The following PCLO variants were observed in gnomAD, a reference collection of about 807,000 sequenced individuals.
PCLO encodes the protein piccolo presynaptic cytomatrix protein, also known as protein piccolo.
A neutral mutation model predicts 427.5 loss-of-function variants in PCLO; 82 were observed. The ratio of observed to expected loss-of-function variants is 0.19; its 90% CI spans 0.16 to 0.23. PCLO has a LOEUF of 0.23. Ranked by LOEUF, PCLO falls within the 10% of genes least tolerant of loss-of-function variation. The pLI is 1.00. For missense variants in PCLO, 6,239 were observed against 6,115.9 expected (o/e 1.02, Z -0.67); for synonymous variants, 2,357 against 2,155.4 (o/e 1.09, Z -2.59).
chr7:83,155,226 T>A lies in PCLO; in HGVS notation c.1415A>T (p.Gln472Leu). Residue 472 changes from glutamine to leucine, a missense_variant, in exon 2 of 25, where the codon CAA (glutamine) becomes CTA (leucine). Coordinates refer to ENST00000333891, the MANE Select transcript of PCLO (RefSeq NM_033026.6). ...QQTGPTKPPS[Q>L]LPGPAKPPPQ... ...TGGGGGCTTTGCTGGGCCAGGCAGT[T>A]GTGAAGGAGGCTTTGTTGGGCCAGT... 1 of 1,613,078 alleles carries A rather than the reference T, an allele frequency of 6.2e-7. No individual in the cohort carries two copies. The highest frequency in any genetic ancestry group is 1.1e-5 in the South Asian group (1 of 91,002).
Position 82,758,029 on chromosome 7 carries a change from C to A in PCLO, c.*546G>T, listed in dbSNP as rs1000693273. On this transcript the variant is annotated 3_prime_UTR_variant, in exon 25 of 25. Transcript: ENST00000333891. ...ATTTCTACATCTCCTCTTCCATTTT[C>A]CCTAAGAACACAGCCACCTCACTTC... 1.3e-5 allele frequency: 2 copies of A among 151,962 alleles called. No individual in the cohort carries two copies. The highest frequency in any genetic ancestry group is 4.8e-5 in the African/African-American group (2 of 41,386). The allele number at this position is 151,962 out of a possible 1,614,324, so 9.4% of individuals were successfully genotyped here.
At position 82,952,724 on chromosome 7, in the gene PCLO, T is replaced by C. The variant is rs1224843602; in HGVS notation, c.8229A>G (p.Lys2743=). The C allele has an allele frequency of 1.9e-6, 3 of 1,613,734 alleles. No individual in the cohort carries two copies. The highest frequency in any genetic ancestry group is 1.1e-5 in the South Asian group (1 of 91,070). The change falls in exon 5 of 25, where the codon AAA becomes AAG. Residue 2743 remains lysine (K), a synonymous_variant. Transcript: ENST00000333891. The part of the protein sequence containing the change: ...VPKVEVKTTD[K]CIDLSASTMD... ...TTGTAGAAGCAGAAAGATCAATACATTTATCAGTTGTTTTAACTTCTACCT... is the reference window on the plus strand; with the variant it reads ...TTGTAGAAGCAGAAAGATCAATACACTTATCAGTTGTTTTAACTTCTACCT...
intron 22 of PCLO, among the ~76,000 whole-genome samples, chr7:82,778,759 T>G (rs1320178525): frequency 1.3e-5 from 2 of 152,072 alleles, no homozygotes; most frequent in African/African-American, 2.4e-5. Context: ...CCTTTCAATT[T>G]TTTTTATAAA....
chr7:82,915,536 A>G lies in PCLO; in HGVS notation c.12450T>C (p.His4150=). The stretch of plus-strand genomic sequence containing the variant: ...GAAAATGTCTGTAGCTAGTATCAGC[A>G]TGGTAATAATGAGAAAGACCAGCAA... ...DHLAGLSHYY[H]ADTSYRHFPK... Residue 4150 remains histidine, a synonymous_variant, in exon 7 of 25, where the codon CAT becomes CAC. Coordinates refer to ENST00000333891, the MANE Select transcript of PCLO (RefSeq NM_033026.6). 6.2e-7 allele frequency: 1 copy of G among 1,613,744 alleles called. No homozygotes were observed. The highest frequency in any genetic ancestry group is 8.5e-7 in the Non-Finnish European group (1 of 1,179,732).
chr7:82,868,322 CA>C, intron 10 of PCLO: 1 of 384,886 alleles, frequency 2.6e-6, no homozygotes, highest in East Asian at 7.4e-5. Context: ...GCTCTTCTAC[CA>C]AAGACTTTTT....
chr7:82,879,045 A>C (rs1373316948), intron 10 of PCLO, among the ~76,000 whole-genome samples: 2 of 152,222 alleles, frequency 1.3e-5, no homozygotes, highest in East Asian at 3.8e-4. Context: ...TATCACAGAT[A>C]ACTAAAGTGT....
chr7:83,057,698 T>C (rs947560895), intron 3 of PCLO, among the ~76,000 whole-genome samples: 3 of 151,882 alleles, frequency 2.0e-5, no homozygotes, highest in South Asian at 4.2e-4. Context: ...TATGATCTTA[T>C]ACCTACATCA....
At chr7:83,112,533 C>A (rs1791032397) in intron 3 of PCLO, among the ~76,000 whole-genome samples, 1 of 152,130 alleles carries the variant, frequency 6.6e-6, no homozygotes, top group South Asian at 2.1e-4. Context: ...CAGACCACAG[C>A]TGACAAATGA....
chr7:82,904,459 G>T (rs951770318), intron 8 of PCLO, among the ~76,000 whole-genome samples: 1 of 151,306 alleles, frequency 6.6e-6, no homozygotes, highest in East Asian at 2.0e-4. Flanking sequence ...TGAAAATTTT[G>T]TAACTGTTAG....
At chr7:83,051,621 A>C (rs550565605) in intron 3 of PCLO, among the ~76,000 whole-genome samples, 65 of 152,254 alleles carry the variant, frequency 4.3e-4, no homozygotes, top group African/African-American at 1.5e-3. Flanking sequence ...TTAAGTTGTC[A>C]ACCTTTCTAA....
At chr7:82,905,608 T>C (rs1794170582) in intron 8 of PCLO, among the ~76,000 whole-genome samples, 1 of 151,942 alleles carries the variant, frequency 6.6e-6, no homozygotes, top group Non-Finnish European at 1.5e-5. Context: ...GGGGTGGTAG[T>C]GTCAGGGGAG....
intron 2 of PCLO, among the ~76,000 whole-genome samples, chr7:83,139,111 T>C (rs1173734248): frequency 6.6e-6 from 1 of 152,060 alleles, no homozygotes; most frequent in Non-Finnish European, 1.5e-5. Flanking sequence ...TAACAGAACT[T>C]TCTGATAAAC....
At chr7:83,118,588 C>T (rs866325560) in intron 3 of PCLO, among the ~76,000 whole-genome samples, 17 of 152,132 alleles carry the variant, frequency 1.1e-4, no homozygotes, top group Middle Eastern at 3.4e-3. Context: ...GAACTCAGTG[C>T]TTCCCTGTCA....
At chr7:82,935,481 TTATG>T (rs1212835093) in intron 6 of PCLO, among the ~76,000 whole-genome samples, 1 of 151,400 alleles carries the variant, frequency 6.6e-6, no homozygotes, top group African/African-American at 2.4e-5. Context: ...TCAAATGCAA[TTATG>T]TATGTTGCTT....
intron 2 of PCLO, among the ~76,000 whole-genome samples, chr7:83,140,748 G>A (rs1216757063): frequency 6.6e-6 from 1 of 152,106 alleles, no homozygotes; most frequent in South Asian, 2.1e-4. Flanking sequence ...GATTCAAATT[G>A]AAGAGTCTCT....
intron 3 of PCLO, among the ~76,000 whole-genome samples, chr7:83,104,168 T>G (rs2116497467): frequency 8.6e-6 from 1 of 116,514 alleles, no homozygotes; most frequent in Non-Finnish European, 1.8e-5. Context: ...GAGAGTGTTT[T>G]AGAAAAATAA....
At chr7:83,005,665 G>A (rs530820045) in intron 3 of PCLO, among the ~76,000 whole-genome samples, 2 of 151,696 alleles carry the variant, frequency 1.3e-5, no homozygotes, top group African/African-American at 4.8e-5. Flanking sequence ...GGCTGCAGCA[G>A]TCATTTCACA....
At chr7:82,934,810 AT>A (rs997115152) in intron 6 of PCLO, among the ~76,000 whole-genome samples, 31 of 151,642 alleles carry the variant, frequency 2.0e-4, no homozygotes, top group African/African-American at 7.0e-4. Flanking sequence ...GATAAAATAT[AT>A]TTTTATATGA....
intron 9 of PCLO, among the ~76,000 whole-genome samples, chr7:82,901,844 A>G: frequency 6.6e-6 from 1 of 152,138 alleles, no homozygotes; most frequent in African/African-American, 2.4e-5. Context: ...ATCACTGGCC[A>G]TCAGAGAAAT....
Sources: allele counts gnomAD v4.1 joint callset (sites outside exome capture counted in the v4.1 genomes callset), GRCh38; gene constraint gnomAD v4.1.1; transcripts MANE v1.5; gene names NCBI Gene and HGNC (gene_info 2026-07-23, HGNC 2026-07-21).